The following ZBTB20 variants were observed in gnomAD, a reference collection of about 807,000 sequenced individuals.
ZBTB20 encodes the protein zinc finger and BTB domain-containing protein 20.
ZBTB20 carries 9 observed loss-of-function variants against 56.9 expected under a neutral mutation model. The observed-to-expected ratio is 0.16, with a 90% CI of 0.10 to 0.28. The LOEUF is 0.28. ZBTB20 is among the 10% of genes least tolerant of loss of function. The pLI, the probability that ZBTB20 is intolerant of heterozygous loss-of-function variation, is 1.00. For synonymous variants in ZBTB20, 417 were observed against 420.7 expected (o/e 0.99, Z 0.11); for missense variants, 655 against 1,003.0 (o/e 0.65, Z 4.69).
At chr3:115,056,904 G>A (rs2081814077) in intron 2 of ZBTB20, among the ~76,000 whole-genome samples, 1 of 152,122 alleles carries the variant, frequency 6.6e-6, no homozygotes, top group African/African-American at 2.4e-5. Flanking sequence ...GGATTGAGAT[G>A]TAGCTACTTA....
intron 6 of ZBTB20, among the ~76,000 whole-genome samples, chr3:114,661,775 G>A (rs767223733): frequency 2.0e-5 from 3 of 152,080 alleles, no homozygotes; most frequent in Non-Finnish European, 4.4e-5. Flanking sequence ...GTGACTTTGG[G>A]AAAGGAAAGA....
chr3:114,823,048 A>G (rs2073340662), intron 4 of ZBTB20, among the ~76,000 whole-genome samples: 1 of 152,162 alleles, frequency 6.6e-6, no homozygotes, highest in Non-Finnish European at 1.5e-5. Flanking sequence ...TCTTCGGTCA[A>G]CTAAGATAAT....
At chr3:114,865,505 T>A (rs1398555922) in intron 4 of ZBTB20, among the ~76,000 whole-genome samples, 1 of 152,164 alleles carries the variant, frequency 6.6e-6, no homozygotes, top group Non-Finnish European at 1.5e-5. Flanking sequence ...TTTCACCTTA[T>A]AATGGATTCC....
chr3:114,514,074 T>A (rs1301683378), intron 6 of ZBTB20, among the ~76,000 whole-genome samples: 1 of 152,142 alleles, frequency 6.6e-6, no homozygotes, highest in Non-Finnish European at 1.5e-5. Flanking sequence ...TTTAAAAAAT[T>A]CATGGTATGT....
At chr3:114,716,844 G>T (rs2064515406) in intron 5 of ZBTB20, among the ~76,000 whole-genome samples, 1 of 152,048 alleles carries the variant, frequency 6.6e-6, no homozygotes, top group Non-Finnish European at 1.5e-5. Context: ...ATTTATAGGG[G>T]TGGCCATACC....
chr3:114,675,019 T>C (rs1279447128), intron 6 of ZBTB20, among the ~76,000 whole-genome samples: 1 of 149,524 alleles, frequency 6.7e-6, no homozygotes, highest in Non-Finnish European at 1.5e-5. Flanking sequence ...CAAAATAATC[T>C]CTATTACAAA....
chr3:114,422,462 C>T (rs553208437), intron 7 of ZBTB20, among the ~76,000 whole-genome samples: 16 of 152,008 alleles, frequency 1.1e-4, no homozygotes, highest in Non-Finnish European at 2.4e-4. Context: ...TATGAATTTT[C>T]CCTCAATTCA....
At chr3:114,619,659 G>A (rs2058185003) in intron 6 of ZBTB20, among the ~76,000 whole-genome samples, 1 of 152,092 alleles carries the variant, frequency 6.6e-6, no homozygotes, top group African/African-American at 2.4e-5. Flanking sequence ...CTCTGAAGAA[G>A]GCTTAGTGTG....
intron 2 of ZBTB20, among the ~76,000 whole-genome samples, chr3:115,010,613 A>G (rs551642260): frequency 4.3e-4 from 65 of 152,076 alleles, no homozygotes; most frequent in Non-Finnish European, 7.5e-4. Context: ...CCTAAAGTAG[A>G]TATTTCTTAG....
intron 2 of ZBTB20, among the ~76,000 whole-genome samples, chr3:114,981,525 A>C (rs1204804502): frequency 1.3e-5 from 2 of 152,064 alleles, no homozygotes; most frequent in Non-Finnish European, 2.9e-5. Flanking sequence ...AGTCAAAGAG[A>C]AATCTATTTA....
At chr3:114,457,495 G>T (rs1175667836) in intron 7 of ZBTB20, among the ~76,000 whole-genome samples, 1 of 152,138 alleles carries the variant, frequency 6.6e-6, no homozygotes, top group South Asian at 2.1e-4. Flanking sequence ...GAAAGGATTG[G>T]CAGTAGAGAT....
At chr3:114,714,089 C>T (rs547147061) in intron 5 of ZBTB20, 1 of 152,748 alleles carries the variant, frequency 6.5e-6, no homozygotes, top group South Asian at 2.1e-4. Flanking sequence ...TAATATACTA[C>T]TACTATATCC....
chr3:115,052,574 C>T (rs921110550), intron 2 of ZBTB20, among the ~76,000 whole-genome samples: 1 of 152,066 alleles, frequency 6.6e-6, no homozygotes, highest in Non-Finnish European at 1.5e-5. Context: ...GTCATCTTTC[C>T]TCCTGCAAAG....
At chr3:114,867,049 C>A (rs1036311675) in intron 4 of ZBTB20, among the ~76,000 whole-genome samples, 3 of 152,056 alleles carry the variant, frequency 2.0e-5, no homozygotes, top group Non-Finnish European at 4.4e-5. Flanking sequence ...AACTGCTTTC[C>A]CAAGAAAAGC....
intron 6 of ZBTB20, among the ~76,000 whole-genome samples, chr3:114,635,869 T>C (rs2059238294): frequency 6.6e-6 from 1 of 151,310 alleles, no homozygotes. Flanking sequence ...GGGAAAGGGG[T>C]AGAAAGCCTA....
chr3:114,607,870 A>T (rs2057287031), intron 6 of ZBTB20, among the ~76,000 whole-genome samples: 1 of 152,236 alleles, frequency 6.6e-6, no homozygotes, highest in Non-Finnish European at 1.5e-5. Flanking sequence ...ATATATGGTT[A>T]CAGTCCCCAA....
intron 6 of ZBTB20, among the ~76,000 whole-genome samples, chr3:114,560,698 G>A (rs1261643509): frequency 2.0e-5 from 3 of 152,156 alleles, no homozygotes. Flanking sequence ...CATCTGAGTG[G>A]TAATCTTTTT....
intron 7 of ZBTB20, among the ~76,000 whole-genome samples, chr3:114,461,291 T>C (rs1268986408): frequency 7.0e-6 from 1 of 142,236 alleles, no homozygotes; most frequent in Non-Finnish European, 1.5e-5. Context: ...AACAAAACAA[T>C]CTCCTCCCCC....
chr3:114,830,885 G>A (rs2073802808), intron 4 of ZBTB20, among the ~76,000 whole-genome samples: 1 of 151,774 alleles, frequency 6.6e-6, no homozygotes, highest in African/African-American at 2.4e-5. Context: ...TAGCAATAGG[G>A]ACCAGTCACA....
Sources: gnomAD v4.1 joint callset for allele counts (sites outside exome capture counted in the v4.1 genomes callset) on GRCh38, gnomAD v4.1.1 for gene constraint, MANE v1.5 for transcripts, NCBI Gene and HGNC (gene_info 2026-07-23, HGNC 2026-07-21) for gene names.